The following STMN4 variants were observed in gnomAD, a reference collection of about 807,000 sequenced individuals.
STMN4 encodes stathmin 4.
Under a neutral mutation model 29.1 loss-of-function variants are expected in STMN4, and 12 were observed. The observed-to-expected ratio is 0.41, with a 90% CI of 0.26 to 0.67. STMN4 has a LOEUF of 0.67. Among genes scored for constraint, STMN4 ranks in the 30% least tolerant of loss-of-function variants. STMN4 has a pLI of 0.30. For synonymous variants in STMN4, 114 were observed against 105.3 expected, an observed-to-expected ratio of 1.08 and a Z score of -0.51; for missense variants, 181 against 262.8, an observed-to-expected ratio of 0.69 and a Z score of 2.15.
chr8:27,239,965 C>T lies in STMN4; in HGVS notation c.591+6G>A, dbSNP rs1183110550. On this transcript the variant is annotated splice_donor_region_variant and intron_variant, in intron 6 of 6. Coordinates refer to ENST00000350889, the MANE Select transcript of STMN4 (RefSeq NM_030795.4). ...GGAAACTCCTCTCTAGCCAGGGACC[C>T]CTCACCTTCTCTTGCAGCCGTTCCA... is the stretch of plus-strand genomic sequence containing the variant. 6.2e-7 allele frequency: 1 copy of T among 1,614,220 alleles called. No individual in the cohort carries two copies. Among genetic ancestry groups the T allele is most frequent in the African/African-American group, 1.3e-5 (1 of 75,046 alleles).
chr8:27,242,273 G>A (rs541971675), intron 3 of STMN4, 124 bp downstream of exon 3: 2 of 964,318 alleles, frequency 2.1e-6, no homozygotes, highest in South Asian at 1.5e-5. Flanking sequence ...TGATTTCATC[G>A]GCACTGGGAA....
Position 27,236,679 on chromosome 8 carries a change from G to T in STMN4, c.*167C>A. The T allele has an allele frequency of 1.9e-6, 1 of 523,618 alleles. No individual in the cohort carries two copies. The highest frequency in any genetic ancestry group is 3.2e-6 in the Non-Finnish European group (1 of 307,964). 32.4% of individuals were successfully genotyped at this position (523,618 alleles called of 1,614,324 possible). A position where few individuals can be genotyped will look rare whatever the true frequency, so the allele number is the denominator to read the frequency against. On this transcript the variant is annotated 3_prime_UTR_variant, in exon 7 of 7. Transcript: ENST00000350889. ...GGAAACAAATAGGATGGCTTCACTGGTCAATTCTTAACATGTACAAACACC... is the reference window on the plus strand; with the variant it reads ...GGAAACAAATAGGATGGCTTCACTGTTCAATTCTTAACATGTACAAACACC...
chr8:27,243,681 C>T (rs762383729), intron 2 of STMN4, 30 bp downstream of exon 2: 37 of 1,605,332 alleles, frequency 2.3e-5, no homozygotes, highest in Middle Eastern at 1.6e-4. Flanking sequence ...GAATAGCCTA[C>T]GCCCCTTAAC....
chr8:27,241,873 C>G, intron 3 of STMN4, 116 bp from the exon 4 acceptor site: 1 of 1,273,070 alleles, frequency 7.9e-7, no homozygotes, highest in Non-Finnish European at 1.1e-6. Flanking sequence ...GGTCCCCGAG[C>G]ACCCCTGGTG....
intron 1 of STMN4, among the ~76,000 whole-genome samples, chr8:27,247,446 T>A (rs1358860839): frequency 2.0e-5 from 3 of 151,446 alleles, no homozygotes; most frequent in Non-Finnish European, 4.4e-5. Flanking sequence ...ATGAAAGGAG[T>A]CTTTGCCACT....
chr8:27,248,827 A>G (rs17445469), intron 1 of STMN4, among the ~76,000 whole-genome samples: 9,507 of 152,288 alleles, frequency 0.062, 415 homozygotes, highest in Non-Finnish European at 0.092. Context: ...TCATCTGGCA[A>G]CATTCGTTTG....
intron 5 of STMN4, 74 bp downstream of exon 5, chr8:27,240,980 G>A (rs1168608881): frequency 1.4e-6 from 2 of 1,469,964 alleles, no homozygotes; most frequent in South Asian, 2.7e-5. Flanking sequence ...CCCAGCTCAG[G>A]TCCACCACCT....
chr8:27,237,803 T>G (rs1192825810), intron 6 of STMN4, among the ~76,000 whole-genome samples: 1 of 152,212 alleles, frequency 6.6e-6, no homozygotes, highest in Non-Finnish European at 1.5e-5. Context: ...ACCCCTCAAG[T>G]TGTGATGTTT....
At chr8:27,250,454 C>T (rs992877857) in intron 1 of STMN4, among the ~76,000 whole-genome samples, 1 of 152,188 alleles carries the variant, frequency 6.6e-6, no homozygotes, top group Non-Finnish European at 1.5e-5. Context: ...AAACAGGTCC[C>T]TGGATGGGTA....
chr8:27,241,647 T>A (rs1355611360), intron 4 of STMN4, 30 bp downstream of exon 4: 3 of 1,611,386 alleles, frequency 1.9e-6, no homozygotes, highest in Non-Finnish European at 1.7e-6. Flanking sequence ...ACGCTCGGCC[T>A]GCGGAATCCC....
chr8:27,247,302 C>G (rs1047151838), intron 1 of STMN4, among the ~76,000 whole-genome samples: 7 of 150,406 alleles, frequency 4.7e-5, no homozygotes, highest in African/African-American at 1.7e-4. Context: ...GCCTGTGGGT[C>G]CATAGGGCCC....
intron 1 of STMN4, among the ~76,000 whole-genome samples, chr8:27,246,860 G>A (rs1055741431): frequency 6.6e-5 from 10 of 152,152 alleles, no homozygotes; most frequent in Non-Finnish European, 1.3e-4. Flanking sequence ...GTAGCCCCGG[G>A]GAAACTAATG....
intron 1 of STMN4, among the ~76,000 whole-genome samples, chr8:27,256,018 G>T (rs1010385305): frequency 6.6e-6 from 1 of 152,138 alleles, no homozygotes; most frequent in Non-Finnish European, 1.5e-5. Context: ...ACAACTTAAA[G>T]GCACTTATTT....
chr8:27,243,909 C>T, intron 1 of STMN4, 108 bp from the exon 2 acceptor site: 1 of 1,023,612 alleles, frequency 9.8e-7, no homozygotes, highest in Non-Finnish European at 1.4e-6. Flanking sequence ...ACCTCATTTG[C>T]TCTTCCTCCA....
chr8:27,254,520 C>A (rs1378799939), intron 1 of STMN4, among the ~76,000 whole-genome samples: 2 of 152,182 alleles, frequency 1.3e-5, no homozygotes, highest in Non-Finnish European at 2.9e-5. Context: ...GGGGAGTGGA[C>A]ACGCAGCTCT....
chr8:27,249,193 AG>A (rs1176076576), intron 1 of STMN4, among the ~76,000 whole-genome samples: 1 of 152,148 alleles, frequency 6.6e-6, no homozygotes, highest in Non-Finnish European at 1.5e-5. Context: ...CTGTTGACTG[AG>A]GAGGGATCTC....
At chr8:27,251,030 T>C (rs1801766168) in intron 1 of STMN4, among the ~76,000 whole-genome samples, 1 of 152,096 alleles carries the variant, frequency 6.6e-6, no homozygotes, top group Admixed American at 6.6e-5. Context: ...AGGCAAATCA[T>C]GAGGTCAGGA....
At chr8:27,243,051 C>T (rs1056176066) in intron 2 of STMN4, among the ~76,000 whole-genome samples, 2 of 152,114 alleles carry the variant, frequency 1.3e-5, no homozygotes, top group Admixed American at 6.5e-5. Flanking sequence ...TCGCTGGTGT[C>T]CCCAAAAGCT....
intron 6 of STMN4, chr8:27,239,459 G>A: frequency 1.4e-6 from 1 of 731,638 alleles, no homozygotes; most frequent in Non-Finnish European, 2.2e-6. Context: ...TCCATTTATT[G>A]ACAAAAGGCA....
Sources: allele counts gnomAD v4.1 joint callset (sites outside exome capture counted in the v4.1 genomes callset), GRCh38; gene constraint gnomAD v4.1.1; transcripts MANE v1.5; gene names NCBI Gene and HGNC (gene_info 2026-07-23, HGNC 2026-07-21).